LEPR: variants seen among roughly 807,000 people sequenced by gnomAD.
LEPR encodes the protein OB receptor.
Under a neutral mutation model 114.7 loss-of-function variants are expected in LEPR, and 56 were observed. The observed-to-expected ratio is 0.49, with a 90% CI of 0.39 to 0.61. The LOEUF is 0.61. Ranked by LOEUF, LEPR falls within the 20% of genes least tolerant of loss-of-function variation. The pLI, the probability that LEPR is intolerant of heterozygous loss-of-function variation, is 0.00. For synonymous variants in LEPR, 443 were observed against 461.4 expected, an observed-to-expected ratio of 0.96 and a Z score of 0.51; for missense variants, 1,202 against 1,352.9, an observed-to-expected ratio of 0.89 and a Z score of 1.75.
chr1:65,584,019 A>T (rs891075069), intron 5 of LEPR, among the ~76,000 whole-genome samples: 2 of 152,146 alleles, frequency 1.3e-5, no homozygotes, highest in African/African-American at 4.8e-5. Context: ...AATAGTATTT[A>T]TGGTGTGCAG....
At chr1:65,486,563 G>A (rs553249888) in intron 2 of LEPR, 3 of 152,248 alleles carry the variant, frequency 2.0e-5, no homozygotes, top group South Asian at 2.1e-4. Flanking sequence ...TGGTTGTAAC[G>A]TTTTACCCTG....
At chr1:65,559,972 A>C (rs1431177838) in intron 2 of LEPR, among the ~76,000 whole-genome samples, 1 of 146,864 alleles carries the variant, frequency 6.8e-6, no homozygotes, top group African/African-American at 2.5e-5. Flanking sequence ...TACAGTTTGA[A>C]GTCAGGTAGT....
intron 19 of LEPR, chr1:65,626,432 C>G: frequency 2.0e-6 from 1 of 491,454 alleles, no homozygotes; most frequent in Non-Finnish European, 2.6e-6. Flanking sequence ...TTTTTAAGCA[C>G]AGCTAACCCA....
intron 2 of LEPR, among the ~76,000 whole-genome samples, chr1:65,546,573 T>G (rs12142291): frequency 0.064 from 9,694 of 152,102 alleles, 501 homozygotes; most frequent in South Asian, 0.27. Context: ...TGAAGCAATT[T>G]TGAATGGGAG....
At chr1:65,480,999 T>C (rs981189148) in intron 2 of LEPR, among the ~76,000 whole-genome samples, 1 of 152,150 alleles carries the variant, frequency 6.6e-6, no homozygotes, top group African/African-American at 2.4e-5. Context: ...GCAACAGAAA[T>C]GCATTTTCTC....
At chr1:65,474,615 C>T (rs1327574746) in intron 2 of LEPR, among the ~76,000 whole-genome samples, 1 of 152,150 alleles carries the variant, frequency 6.6e-6, no homozygotes, top group Non-Finnish European at 1.5e-5. Context: ...AGTCCCATTA[C>T]ATACACACAT....
intron 5 of LEPR, among the ~76,000 whole-genome samples, chr1:65,572,966 T>G (rs905256568): frequency 6.6e-6 from 1 of 152,096 alleles, no homozygotes; most frequent in Admixed American, 6.6e-5. Context: ...TAACTCTTTC[T>G]CTCTCTGGGC....
chr1:65,572,287 GTTGTTT>G, intron 4 of LEPR, 33 bp from the exon 5 acceptor site: 1 of 975,500 alleles, frequency 1.0e-6, no homozygotes, highest in Non-Finnish European at 1.3e-6. Flanking sequence ...ATTTCATGTA[GTTGTTT>G]TTTTTTTTTT....
intron 6 of LEPR, among the ~76,000 whole-genome samples, chr1:65,595,293 CAT>C (rs10569809): frequency 0.5 from 76,318 of 151,708 alleles, 20,022 homozygotes; most frequent in East Asian, 0.88. Context: ...TGTAGGCATA[CAT>C]ATACATAAGG....
chr1:65,538,167 T>C (rs1650909263), intron 2 of LEPR, among the ~76,000 whole-genome samples: 1 of 152,098 alleles, frequency 6.6e-6, no homozygotes, highest in South Asian at 2.1e-4. Flanking sequence ...TGCATTTTCT[T>C]CCTTTTTTTT....
In LEPR at chr1:65,621,457, AG is replaced by A; in HGVS notation, c.2597+1del. ...TGGAACATTATTAATATCACACCAA[AG>A]GTATTGTACTTGAGGTTAAGAATCT... ...LLGTLLISHQ[R>X]MKKLFWEDVP... is the part of the protein sequence containing the mutation. On this transcript the variant is annotated frameshift_variant and splice_region_variant, in exon 18 of 20. Transcript: ENST00000349533. LOFTEE classifies it high-confidence loss of function. The A allele has an allele frequency of 1.2e-6, 2 of 1,611,438 alleles. No individual in the cohort carries two copies. Among genetic ancestry groups the A allele is most frequent in the Non-Finnish European group, 1.7e-6 (2 of 1,177,992 alleles).
At chr1:65,449,248 G>A (rs1363777221) in intron 2 of LEPR, among the ~76,000 whole-genome samples, 1 of 148,330 alleles carries the variant, frequency 6.7e-6, no homozygotes, top group East Asian at 1.9e-4. Flanking sequence ...GAGGCTTAGT[G>A]GTTTTATTTA....
chr1:65,603,712 T>C (rs1656614497), intron 10 of LEPR, among the ~76,000 whole-genome samples: 1 of 151,852 alleles, frequency 6.6e-6, no homozygotes, highest in East Asian at 1.9e-4. Flanking sequence ...TTTTTTTTTT[T>C]TTTGATTCAT....
chr1:65,587,576 A>G (rs1234029712), intron 5 of LEPR, among the ~76,000 whole-genome samples: 1 of 152,052 alleles, frequency 6.6e-6, no homozygotes, highest in African/African-American at 2.4e-5. Flanking sequence ...GCTCACAAAT[A>G]TAAACTTACT....
intron 12 of LEPR, among the ~76,000 whole-genome samples, chr1:65,609,207 T>C (rs1423995434): frequency 6.6e-6 from 1 of 152,000 alleles, no homozygotes; most frequent in Non-Finnish European, 1.5e-5. Context: ...GTAGTCACGG[T>C]ATACATATTA....
At chr1:65,554,041 A>G (rs1255334784) in intron 2 of LEPR, among the ~76,000 whole-genome samples, 1 of 152,218 alleles carries the variant, frequency 6.6e-6, no homozygotes, top group Non-Finnish European at 1.5e-5. Context: ...CGGAGGCTGC[A>G]GACCAGCAAA....
At chr1:65,429,063 C>T (rs1460995135) in intron 2 of LEPR, among the ~76,000 whole-genome samples, 1 of 151,978 alleles carries the variant, frequency 6.6e-6, no homozygotes, top group Non-Finnish European at 1.5e-5. Context: ...AGATAAATGG[C>T]GTTTGATCAA....
chr1:65,525,757 G>A, intron 2 of LEPR: 1 of 986,244 alleles, frequency 1.0e-6, no homozygotes, highest in Non-Finnish European at 1.2e-6. Context: ...CGCGACGCAG[G>A]TGCCCGAGCC....
chr1:65,573,424 C>T (rs1346468377), intron 5 of LEPR, among the ~76,000 whole-genome samples: 6 of 152,104 alleles, frequency 3.9e-5, no homozygotes, highest in Admixed American at 6.5e-5. Context: ...GATGATTTTT[C>T]GTATTCGATC....
Sources: allele counts gnomAD v4.1 joint callset (sites outside exome capture counted in the v4.1 genomes callset), GRCh38; gene constraint gnomAD v4.1.1; transcripts MANE v1.5; gene names NCBI Gene and HGNC (gene_info 2026-07-23, HGNC 2026-07-21).